Variants in SLC27A2 observed in about 807,000 individuals in gnomAD.
SLC27A2 encodes long-chain fatty acid transport protein 2.
A neutral mutation model predicts 60.0 loss-of-function variants in SLC27A2; 54 were observed. That is an observed-to-expected ratio of 0.90 (90% CI 0.72 to 1.13). SLC27A2 has a LOEUF of 1.13. Ranked by LOEUF, SLC27A2 falls within the 50% of genes most tolerant of loss-of-function variation. The probability of loss-of-function intolerance (pLI) is 0.00; values close to 1 mark genes in which losing one functional copy is unlikely to be tolerated. For synonymous variants in SLC27A2, 297 were observed against 297.6 expected, an observed-to-expected ratio of 1.00 and a Z score of 0.02; for missense variants, 739 against 777.6, an observed-to-expected ratio of 0.95 and a Z score of 0.59.
At chr15:50,206,710 A>G (rs2045115999) in intron 4 of SLC27A2, among the ~76,000 whole-genome samples, 1 of 152,212 alleles carries the variant, frequency 6.6e-6, no homozygotes, top group African/African-American at 2.4e-5. Flanking sequence ...GCATATGAGC[A>G]GGGGCTCTGT....
chr15:50,195,510 A>T (rs1263427814), intron 1 of SLC27A2, among the ~76,000 whole-genome samples: 2 of 151,906 alleles, frequency 1.3e-5, no homozygotes, highest in African/African-American at 4.8e-5. Context: ...AAATAAAATA[A>T]ATAAAAAATT....
intron 8 of SLC27A2, among the ~76,000 whole-genome samples, chr15:50,232,437 C>G (rs1482939548): frequency 6.6e-6 from 1 of 152,080 alleles, no homozygotes; most frequent in African/African-American, 2.4e-5. Context: ...GTTTTAATAG[C>G]CACAAATAAC....
At chr15:50,195,609 A>G (rs551073204) in intron 1 of SLC27A2, among the ~76,000 whole-genome samples, 3 of 152,198 alleles carry the variant, frequency 2.0e-5, no homozygotes, top group African/African-American at 7.2e-5. Flanking sequence ...CTTTTGTACT[A>G]TTTGATTTAT....
chr15:50,189,226 G>A (rs2044953271), intron 1 of SLC27A2, among the ~76,000 whole-genome samples: 1 of 151,984 alleles, frequency 6.6e-6, no homozygotes, highest in South Asian at 2.1e-4. Flanking sequence ...ATCTACCCCA[G>A]GCCCAGCCTT....
chr15:50,224,177 A>T (rs759082633), intron 5 of SLC27A2, among the ~76,000 whole-genome samples: 3 of 152,244 alleles, frequency 2.0e-5, no homozygotes, highest in Non-Finnish European at 2.9e-5. Context: ...GCAGCGGCTC[A>T]CGCCTGTAAT....
rs116758664 is a variant in SLC27A2 at position 50,233,278 on chromosome 15, C to T, written c.1556-590C>T. Among the ~76,000 whole-genome samples the T allele has an allele frequency of 3.0e-3, 451 of 152,280 alleles. 1 individual carries two copies. Among genetic ancestry groups the T allele is most frequent in the African/African-American group, 0.01 (435 of 41,558 alleles). On this transcript the variant is annotated intron_variant, in intron 8 of 9. Transcript: ENST00000267842. The stretch of plus-strand genomic sequence containing the variant: ...AGGTCTCCAAGGTGGTATTTGTGCC[C>T]AGAAGTGCAACAAACCTGACATTGC...
intron 4 of SLC27A2, among the ~76,000 whole-genome samples, chr15:50,212,058 G>A (rs1272780466): frequency 8.1e-6 from 1 of 123,620 alleles, no homozygotes; most frequent in Non-Finnish European, 1.6e-5. Context: ...GAGACAGAGT[G>A]AGACTCTGTC....
chr15:50,221,219 T>TTC (rs2045239867), intron 4 of SLC27A2, among the ~76,000 whole-genome samples: 1 of 150,246 alleles, frequency 6.7e-6, no homozygotes. Context: ...AGAGAGAAAA[T>TTC]AGATTCCTAC....
chr15:50,186,743 T>C (rs1393524513), intron 1 of SLC27A2, among the ~76,000 whole-genome samples: 2 of 152,226 alleles, frequency 1.3e-5, no homozygotes, highest in East Asian at 3.8e-4. Context: ...GGCCTTCTCA[T>C]TGTCTTATAG....
At chr15:50,184,185 G>A (rs1271996587) in intron 1 of SLC27A2, among the ~76,000 whole-genome samples, 1 of 151,560 alleles carries the variant, frequency 6.6e-6, no homozygotes, top group Non-Finnish European at 1.5e-5. Context: ...TAGAAACAGG[G>A]TTTCACCATG....
chr15:50,218,566 A>C (rs117579045), intron 4 of SLC27A2, among the ~76,000 whole-genome samples: 10 of 152,244 alleles, frequency 6.6e-5, no homozygotes, highest in Admixed American at 5.9e-4. Flanking sequence ...CAACACTGCA[A>C]GCTGAAAAAC....
At chr15:50,232,668 G>C (rs2045323923) in intron 8 of SLC27A2, among the ~76,000 whole-genome samples, 1 of 152,132 alleles carries the variant, frequency 6.6e-6, no homozygotes, top group African/African-American at 2.4e-5. Flanking sequence ...AGGAGACGGT[G>C]AATGTGGAGG....
In SLC27A2 at chr15:50,236,251, C is replaced by CTT; in HGVS notation, c.*157_*158dup. The stretch of plus-strand genomic sequence containing the variant: ...AGACTTTTTTAAATAACAGTTGAGT[C>CTT]TTTGCAAGTAAAAAGATTTAGAGAT... On this transcript the variant is annotated 3_prime_UTR_variant, in exon 10 of 10. Coordinates refer to ENST00000267842, the MANE Select transcript of SLC27A2 (RefSeq NM_003645.4). The CTT allele has an allele frequency of 1.9e-6, 1 of 513,924 alleles. No individual in the cohort carries two copies. The highest frequency in any genetic ancestry group is 3.3e-6 in the Non-Finnish European group (1 of 302,772). The allele number at this position is 513,924 out of a possible 1,614,324, so 31.8% of individuals were successfully genotyped here. A position where few individuals can be genotyped will look rare whatever the true frequency, so the allele number is the denominator to read the frequency against.
Position 50,196,830 on chromosome 15 carries a change from A to C in SLC27A2, c.479-670A>C, listed in dbSNP as rs1003918020. On this transcript the variant is annotated intron_variant, in intron 1 of 9. Transcript: ENST00000267842. ...CAGATCAGTTTAACCTTCCTAGGAA[A>C]TTACTTGTTACTGATGCATAAGAAA... 2.0e-5 allele frequency among the ~76,000 whole-genome samples: 3 copies of C among 152,100 alleles called. No individual in the cohort carries two copies. In the East Asian group the frequency reaches 5.8e-4, roughly 29 times the overall value.
At chr15:50,202,410 C>T in intron 2 of SLC27A2, 77 bp from the exon 3 acceptor site, 1 of 1,468,804 alleles carries the variant, frequency 6.8e-7, no homozygotes, top group Non-Finnish European at 9.5e-7. Flanking sequence ...GATGAATCTT[C>T]CTAAGCCAGA....
At chr15:50,214,933 C>T (rs1567434022) in intron 4 of SLC27A2, among the ~76,000 whole-genome samples, 1 of 152,156 alleles carries the variant, frequency 6.6e-6, no homozygotes, top group African/African-American at 2.4e-5. Context: ...CTCACCACTC[C>T]TCTTTAACAT....
At chr15:50,210,797 G>T (rs543471400) in intron 4 of SLC27A2, among the ~76,000 whole-genome samples, 5 of 152,332 alleles carry the variant, frequency 3.3e-5, no homozygotes, top group African/African-American at 1.2e-4. Flanking sequence ...CGTTGAGGGG[G>T]CACGGTGGGA....
intron 8 of SLC27A2, among the ~76,000 whole-genome samples, chr15:50,230,600 A>AGGG (rs2045310630): frequency 6.6e-6 from 1 of 152,182 alleles, no homozygotes; most frequent in African/African-American, 2.4e-5. Flanking sequence ...CAACTCAGGG[A>AGGG]CAATGACACG....
At chr15:50,217,852 A>C (rs1456890004) in intron 4 of SLC27A2, among the ~76,000 whole-genome samples, 1 of 151,916 alleles carries the variant, frequency 6.6e-6, no homozygotes, top group African/African-American at 2.4e-5. Context: ...TCAGGAGTTC[A>C]AGACCAGCCT....
Sources: allele counts gnomAD v4.1 joint callset (sites outside exome capture counted in the v4.1 genomes callset), GRCh38; gene constraint gnomAD v4.1.1; transcripts MANE v1.5; gene names NCBI Gene and HGNC (gene_info 2026-07-23, HGNC 2026-07-21).